The following CTNNA3 variants were observed in gnomAD, a reference collection of about 807,000 sequenced individuals.
CTNNA3 encodes catenin alpha 3.
In CTNNA3, 76 loss-of-function variants were observed where a neutral mutation model predicts 95.7. That is an observed-to-expected ratio of 0.79 (90% confidence interval 0.66 to 0.96). The LOEUF is 0.96. Ranked by LOEUF, CTNNA3 falls within the 40% of genes least tolerant of loss-of-function variation. The pLI is 0.00. For synonymous variants in CTNNA3, 431 were observed against 374.4 expected (o/e 1.15, Z -1.74); for missense variants, 1,191 against 1,089.8 (o/e 1.09, Z -1.31).
intron 12 of CTNNA3, among the ~76,000 whole-genome samples, chr10:66,372,750 A>G (rs967595924): frequency 2.0e-5 from 3 of 152,190 alleles, no homozygotes; most frequent in Non-Finnish European, 4.4e-5. Context: ...GGGAGACAGG[A>G]GAGAGAATGA....
At chr10:66,452,824 C>A (rs967728406) in intron 11 of CTNNA3, among the ~76,000 whole-genome samples, 2 of 152,052 alleles carry the variant, frequency 1.3e-5, no homozygotes, top group Non-Finnish European at 2.9e-5. Context: ...TGACTCCATG[C>A]AAGAAGATAA....
At chr10:67,705,969 C>T (rs1183786322) in intron 1 of CTNNA3, among the ~76,000 whole-genome samples, 4 of 152,016 alleles carry the variant, frequency 2.6e-5, no homozygotes, top group African/African-American at 9.7e-5. Context: ...GTGCAGACTT[C>T]TGCCTTTAAG....
intron 9 of CTNNA3, among the ~76,000 whole-genome samples, chr10:66,622,720 C>T (rs1261769122): frequency 6.6e-6 from 1 of 152,258 alleles, no homozygotes; most frequent in East Asian, 1.9e-4. Flanking sequence ...TACTTTAACG[C>T]ATTGCAGTTT....
At chr10:66,116,050 G>A (rs1201910160) in intron 13 of CTNNA3, among the ~76,000 whole-genome samples, 4 of 152,194 alleles carry the variant, frequency 2.6e-5, no homozygotes, top group South Asian at 4.2e-4. Flanking sequence ...ACTAGAATGC[G>A]ACAAAACAAA....
intron 11 of CTNNA3, among the ~76,000 whole-genome samples, chr10:66,418,700 C>T (rs1282397406): frequency 7.2e-6 from 1 of 139,488 alleles, no homozygotes; most frequent in Non-Finnish European, 1.6e-5. Context: ...GTGGGATTTA[C>T]CCAAGGGACA....
intron 7 of CTNNA3, among the ~76,000 whole-genome samples, chr10:66,956,861 G>T (rs1297027509): frequency 3.3e-5 from 5 of 152,186 alleles, no homozygotes; most frequent in Non-Finnish European, 7.4e-5. Flanking sequence ...AGGAGATCTG[G>T]CAAGGGCCTC....
At chr10:67,388,695 G>A (rs2132759559) in intron 5 of CTNNA3, among the ~76,000 whole-genome samples, 1 of 152,050 alleles carries the variant, frequency 6.6e-6, no homozygotes, top group Admixed American at 6.6e-5. Context: ...AAGCCCATCA[G>A]ACTAACAGCG....
chr10:67,281,524 C>T (rs1391944591), intron 5 of CTNNA3, among the ~76,000 whole-genome samples: 3 of 152,178 alleles, frequency 2.0e-5, no homozygotes, highest in Non-Finnish European at 4.4e-5. Context: ...TGCTTCTCTA[C>T]TCAGACTAAT....
At chr10:66,148,713 G>T (rs1589556411) in intron 13 of CTNNA3, among the ~76,000 whole-genome samples, 1 of 150,762 alleles carries the variant, frequency 6.6e-6, no homozygotes, top group South Asian at 2.1e-4. Context: ...AGGACTATGA[G>T]AAATAAATAA....
chr10:67,317,275 A>G (rs541725183), intron 5 of CTNNA3, among the ~76,000 whole-genome samples: 3 of 151,784 alleles, frequency 2.0e-5, no homozygotes, highest in Non-Finnish European at 4.4e-5. Flanking sequence ...GGTTTGTTAC[A>G]TATGTATACA....
chr10:66,392,477 A>G (rs933905366), intron 11 of CTNNA3, among the ~76,000 whole-genome samples: 4 of 152,038 alleles, frequency 2.6e-5, no homozygotes, highest in African/African-American at 9.7e-5. Flanking sequence ...CTGGAAGATA[A>G]CATTTGCAAA....
At chr10:67,230,967 G>T (rs537980064) in intron 5 of CTNNA3, among the ~76,000 whole-genome samples, 1 of 152,156 alleles carries the variant, frequency 6.6e-6, no homozygotes, top group Non-Finnish European at 1.5e-5. Flanking sequence ...CTTTTCCGAC[G>T]GGCTTAAAAA....
rs2092919034 is a variant in CTNNA3 at position 66,389,462 on chromosome 10, T to C, written c.1532-10110A>G. Reference sequence around the variant, plus strand: ...ATGCATTCATTTAAGAGCAGACAATTGGTGAATTATTAGCAATTTCTATCA... The same window carrying C: ...ATGCATTCATTTAAGAGCAGACAATCGGTGAATTATTAGCAATTTCTATCA... On this transcript the variant is annotated intron_variant, in intron 11 of 17. Coordinates refer to ENST00000433211, the MANE Select transcript of CTNNA3 (RefSeq NM_013266.4). 2.0e-5 allele frequency among the ~76,000 whole-genome samples: 3 copies of C among 152,076 alleles called. No homozygotes were observed. In the South Asian group the frequency reaches 6.2e-4, roughly 31 times the overall value.
intron 7 of CTNNA3, among the ~76,000 whole-genome samples, chr10:67,169,219 A>C (rs1254388592): frequency 2.0e-5 from 3 of 152,214 alleles, no homozygotes; most frequent in Non-Finnish European, 4.4e-5. Flanking sequence ...TGCCCAAAGC[A>C]ATTTACAGAT....
chr10:66,197,336 C>CTCTATCTATCTA (rs200815679), intron 13 of CTNNA3, among the ~76,000 whole-genome samples: 1,522 of 148,152 alleles, frequency 0.01, 11 homozygotes, highest in East Asian at 0.019. Flanking sequence ...CAATCCAAAT[C>CTCTATCTATCTA]TCTATCTATC....
intron 7 of CTNNA3, among the ~76,000 whole-genome samples, chr10:66,838,820 A>T (rs146162143): frequency 6.6e-6 from 1 of 152,176 alleles, no homozygotes; most frequent in South Asian, 2.1e-4. Context: ...GCAAGTCTGT[A>T]TTCTGGAACC....
chr10:67,670,681 C>G (rs548469639), intron 1 of CTNNA3, among the ~76,000 whole-genome samples: 3 of 152,192 alleles, frequency 2.0e-5, no homozygotes, highest in Non-Finnish European at 2.9e-5. Context: ...ATTAGACTGA[C>G]ACAATCAATC....
In CTNNA3 at chr10:66,719,901, C is replaced by T. The variant is rs564935214; in HGVS notation, c.1281+46363G>A. Among the ~76,000 whole-genome samples, 18 of 152,062 alleles carry T rather than the reference C, an allele frequency of 1.2e-4. No homozygotes were observed. The South Asian group carries it at 1.2e-3, about 11-fold the overall frequency. On this transcript the variant is annotated intron_variant, in intron 9 of 17. Transcript: ENST00000433211. ...CCTGCATTTCAACTCACCTCTCAGGCGGGAATATGGACTCAGGCTTTTAGA... is the reference window on the plus strand; with the variant it reads ...CCTGCATTTCAACTCACCTCTCAGGTGGGAATATGGACTCAGGCTTTTAGA...
intron 10 of CTNNA3, among the ~76,000 whole-genome samples, chr10:66,605,283 A>G (rs1844078539): frequency 6.6e-6 from 1 of 152,162 alleles, no homozygotes; most frequent in African/African-American, 2.4e-5. Context: ...AGGAATTAAT[A>G]AAACCTAAGA....
Sources: allele counts gnomAD v4.1 joint callset (sites outside exome capture counted in the v4.1 genomes callset), GRCh38; gene constraint gnomAD v4.1.1; transcripts MANE v1.5; gene names NCBI Gene and HGNC (gene_info 2026-07-23, HGNC 2026-07-21).